Variants in DIXDC1 observed in about 807,000 individuals in gnomAD.
The protein encoded by DIXDC1 is DIX domain containing 1.
Under a neutral mutation model 103.1 loss-of-function variants are expected in DIXDC1, and 64 were observed. The ratio of observed to expected loss-of-function variants is 0.62; its 90% CI spans 0.51 to 0.76. DIXDC1 has a LOEUF of 0.76. Ranked by LOEUF, DIXDC1 falls within the 30% of genes least tolerant of loss-of-function variation. The pLI, the probability that DIXDC1 is intolerant of heterozygous loss-of-function variation, is 0.00. For missense variants in DIXDC1, 759 were observed against 834.2 expected (o/e 0.91, Z 1.11); for synonymous variants, 266 against 298.5 (o/e 0.89, Z 1.12).
intron 1 of DIXDC1, among the ~76,000 whole-genome samples, chr11:111,927,662 G>A (rs1965869571): frequency 1.3e-5 from 2 of 152,104 alleles, no homozygotes; most frequent in African/African-American, 4.8e-5. Context: ...TAAGAGGGAT[G>A]ATTAAAGACT....
At chr11:111,994,004 CTG>C (rs1310224153) in intron 14 of DIXDC1, among the ~76,000 whole-genome samples, 12 of 152,224 alleles carry the variant, frequency 7.9e-5, no homozygotes, top group Non-Finnish European at 1.3e-4. Flanking sequence ...GTGATTCAGT[CTG>C]TCATTATGAA....
intron 2 of DIXDC1, among the ~76,000 whole-genome samples, chr11:111,965,028 C>T (rs1555171381): frequency 1.3e-5 from 2 of 152,094 alleles, no homozygotes; most frequent in African/African-American, 4.8e-5. Context: ...ACACCCAGCC[C>T]AGTCTTAGGG....
intron 2 of DIXDC1, 48 bp from the exon 3 acceptor site, chr11:111,968,465 T>C (rs1555171778): frequency 6.3e-7 from 1 of 1,590,360 alleles, no homozygotes; most frequent in Non-Finnish European, 8.6e-7. Context: ...TATGAAACTT[T>C]GATAATATTC....
chr11:111,995,250 C>G, intron 15 of DIXDC1, 142 bp downstream of exon 15: 1 of 1,318,134 alleles, frequency 7.6e-7, no homozygotes, highest in South Asian at 1.3e-5. Flanking sequence ...ATGTGAGGCA[C>G]TTGCTATCCA....
chr11:111,944,849 C>T (rs1966540557), intron 1 of DIXDC1, among the ~76,000 whole-genome samples: 1 of 152,226 alleles, frequency 6.6e-6, no homozygotes, highest in Non-Finnish European at 1.5e-5. Context: ...TGAAAACCTT[C>T]AGTTGTTCTA....
chr11:111,964,845 C>CA (rs1372839835), intron 2 of DIXDC1, among the ~76,000 whole-genome samples, 167 bp downstream of exon 2: 1 of 152,150 alleles, frequency 6.6e-6, no homozygotes, highest in Non-Finnish European at 1.5e-5. Context: ...ATTTATTCGT[C>CA]AATAAACATT....
intron 17 of DIXDC1, among the ~76,000 whole-genome samples, chr11:112,001,112 C>T (rs1398065180): frequency 6.6e-6 from 1 of 152,094 alleles, no homozygotes; most frequent in Non-Finnish European, 1.5e-5. Context: ...TATTATTCAC[C>T]TATAAAGAGG....
chr11:111,940,985 C>T (rs1434940565), intron 1 of DIXDC1, among the ~76,000 whole-genome samples: 1 of 152,180 alleles, frequency 6.6e-6, no homozygotes, highest in Non-Finnish European at 1.5e-5. Context: ...CACGGTGGTG[C>T]ATGCCTGTCG....
chr11:111,973,033 TG>T (rs1859985739), intron 3 of DIXDC1, among the ~76,000 whole-genome samples: 2 of 139,264 alleles, frequency 1.4e-5, no homozygotes, highest in South Asian at 4.4e-4. Context: ...CATTCCAGCC[TG>T]GGGGAAAAAA....
chr11:111,994,313 G>A (rs961781588), intron 14 of DIXDC1, among the ~76,000 whole-genome samples: 3 of 152,082 alleles, frequency 2.0e-5, no homozygotes, highest in African/African-American at 4.8e-5. Flanking sequence ...GCTTGAACCC[G>A]GTGGGTAGAG....
intron 4 of DIXDC1, 26 bp from the exon 5 acceptor site, chr11:111,974,850 C>A: frequency 6.2e-7 from 1 of 1,609,640 alleles, no homozygotes; most frequent in South Asian, 1.1e-5. Context: ...TGACACCTTC[C>A]CTTTGCTGGG....
chr11:111,946,795 A>T, intron 1 of DIXDC1: 1 of 482,170 alleles, frequency 2.1e-6, no homozygotes, highest in Admixed American at 2.1e-5. Flanking sequence ...CTTGGTATGA[A>T]GGTAAACAGT....
Position 111,964,232 on chromosome 11 carries a change from C to T in DIXDC1, c.61-317C>T, listed in dbSNP as rs76903364. Among the ~76,000 whole-genome samples, 614 of 152,314 alleles carry T rather than the reference C, an allele frequency of 4.0e-3. 2 individuals carry two copies. The highest frequency in any genetic ancestry group is 0.014 in the African/African-American group (569 of 41,558). The stretch of plus-strand genomic sequence containing the variant: ...GTGGTTCTGGGCCAAGCCCTCATCC[C>T]TGGTCAACAGAGAAAAACTTGAGGA... On this transcript the variant is annotated intron_variant, in intron 1 of 19. Coordinates refer to ENST00000440460, the MANE Select transcript of DIXDC1 (RefSeq NM_001037954.4).
In DIXDC1 at chr11:111,980,749, C is replaced by G. The variant is rs1465950513; in HGVS notation, c.669C>G (p.Pro223=). Residue 223 remains proline (P), a synonymous_variant, in exon 6 of 20, where the codon CCC becomes CCG. Coordinates refer to ENST00000440460, the MANE Select transcript of DIXDC1 (RefSeq NM_001037954.4). ...TCTTCAATCACAGCCTGACTTCACC[C>G]AGTCCAATCCACAGTGCAAAGAGCG... ...SESSCSSLTS[P]SPIHSAKSES... is the part of the protein sequence containing the mutation. 2 of 1,613,606 alleles carry G rather than the reference C, an allele frequency of 1.2e-6. No homozygotes were observed. The highest frequency in any genetic ancestry group is 1.7e-5 in the Admixed American group (1 of 59,944).
At position 111,977,533 on chromosome 11, in the gene DIXDC1, G is replaced by T; in HGVS notation, c.656+2550G>T. 7.0e-7 allele frequency: 1 copy of T among 1,435,698 alleles called. No individual in the cohort carries two copies. Among genetic ancestry groups the T allele is most frequent in the Non-Finnish European group, 9.1e-7 (1 of 1,096,602 alleles). 88.9% of individuals were successfully genotyped at this position (1,435,698 alleles called of 1,614,324 possible). A position where few individuals can be genotyped will look rare whatever the true frequency, so the allele number is the denominator to read the frequency against. ...GGCTGCTGCACAGTCTGAGCGGCCG[G>T]GACTGCGCGCTTCAGAGCCTGGAGC... On this transcript the variant is annotated intron_variant, in intron 5 of 19. Transcript: ENST00000440460. This position sits in a 1 kb window ranked among gnomAD's most constrained non-coding sequence, Gnocchi z 6.1.
At chr11:111,981,927 GA>G (rs1402545330) in intron 6 of DIXDC1, among the ~76,000 whole-genome samples, 22 of 152,184 alleles carry the variant, frequency 1.4e-4, no homozygotes, top group African/African-American at 5.1e-4. Flanking sequence ...AAGGAATATT[GA>G]ATTGAAGTCT....
At chr11:111,956,849 A>G (rs900562261) in intron 1 of DIXDC1, among the ~76,000 whole-genome samples, 1 of 152,074 alleles carries the variant, frequency 6.6e-6, no homozygotes, top group African/African-American at 2.4e-5. Flanking sequence ...GTAAATATCC[A>G]TGATATACTG....
At chr11:111,932,459 G>C (rs190586848), upstream of DIXDC1, among the ~76,000 whole-genome samples, 1 of 151,728 alleles carries the variant, frequency 6.6e-6, no homozygotes, top group African/African-American at 2.4e-5. Context: ...GGTGGCGGAC[G>C]CCTGTAGTCC....
chr11:111,960,008 C>T (rs1346740521), intron 1 of DIXDC1, among the ~76,000 whole-genome samples: 1 of 152,054 alleles, frequency 6.6e-6, no homozygotes, highest in Non-Finnish European at 1.5e-5. Context: ...CTCCCAGGCT[C>T]AAGTGATTCT....
Sources: gnomAD v4.1 joint callset for allele counts (sites outside exome capture counted in the v4.1 genomes callset) on GRCh38, gnomAD v4.1.1 for gene constraint, Gnocchi (gnomAD v3.1) non-coding constraint, MANE v1.5 for transcripts, NCBI Gene and HGNC (gene_info 2026-07-23, HGNC 2026-07-21) for gene names.